The following SLC24A2 variants were observed in gnomAD, a reference collection of about 807,000 sequenced individuals.
SLC24A2 encodes the protein solute carrier family 24 member 2.
Under a neutral mutation model 62.0 loss-of-function variants are expected in SLC24A2, and 36 were observed. The observed-to-expected ratio is 0.58, with a 90% confidence interval of 0.44 to 0.77. The LOEUF (loss-of-function observed/expected upper bound fraction) is 0.77. Ranked by LOEUF, SLC24A2 falls within the 30% of genes least tolerant of loss-of-function variation. SLC24A2 has a pLI of 0.00. For missense variants in SLC24A2, 846 were observed against 817.9 expected, an observed-to-expected ratio of 1.03 and a Z score of -0.42; for synonymous variants, 358 against 294.0, an observed-to-expected ratio of 1.22 and a Z score of -2.23.
chr9:19,694,329 G>T (rs1306489091), intron 2 of SLC24A2, among the ~76,000 whole-genome samples: 1 of 152,088 alleles, frequency 6.6e-6, no homozygotes, highest in Non-Finnish European at 1.5e-5. Flanking sequence ...GGTTATTACA[G>T]ATTACATTTA....
intron 2 of SLC24A2, among the ~76,000 whole-genome samples, chr9:19,754,306 T>C (rs1822070151): frequency 6.6e-6 from 1 of 152,150 alleles, no homozygotes; most frequent in Non-Finnish European, 1.5e-5. Flanking sequence ...TCTATCCTCC[T>C]TCCCCAAGGC....
chr9:19,704,624 C>G (rs1820455991), intron 2 of SLC24A2, among the ~76,000 whole-genome samples: 1 of 151,918 alleles, frequency 6.6e-6, no homozygotes, highest in Admixed American at 6.6e-5. Flanking sequence ...AAACAGGAAC[C>G]AAGAGGCTGA....
chr9:19,840,975 A>T, the SLC24A2 span, among the ~76,000 whole-genome samples: 1 of 152,188 alleles, frequency 6.6e-6, no homozygotes. Context: ...ATAAGGGAAT[A>T]TATATCAATC....
the SLC24A2 span, among the ~76,000 whole-genome samples, chr9:20,221,603 T>A: frequency 6.6e-6 from 1 of 151,888 alleles, no homozygotes; most frequent in Non-Finnish European, 1.5e-5. Context: ...ATGTAAGTTC[T>A]CAGATCGGAA....
At position 19,786,089 on chromosome 9, in the gene SLC24A2, C is replaced by T. The variant is rs1433609943; in HGVS notation, c.778G>A (p.Val260Ile). 6.2e-7 allele frequency: 1 copy of T among 1,614,150 alleles called. No homozygotes were observed. The highest frequency in any genetic ancestry group is 1.7e-5 in the Admixed American group (1 of 60,024). ...AGCAAGCTTTCCCACCACATGATGACATTATCCAGGAAAAATATGATCAGC... is the reference window on the plus strand; with the variant it reads ...AGCAAGCTTTCCCACCACATGATGATATTATCCAGGAAAAATATGATCAGC... ...IMLIIFFLDN[V>I]IMWWESLLLL... The change falls in exon 2 of 11, where the codon GTC becomes ATC. Residue 260 changes from valine (V) to isoleucine (I), a missense_variant. Physicochemically the swap from Val to Ile is conservative, Grantham distance 29. Coordinates refer to ENST00000341998, the MANE Select transcript of SLC24A2 (RefSeq NM_020344.4). This position sits in a 1 kb window ranked among gnomAD's most constrained non-coding sequence, Gnocchi z 5.0.
At chr9:20,003,144 T>C in the SLC24A2 span, among the ~76,000 whole-genome samples, 1 of 152,212 alleles carries the variant, frequency 6.6e-6, no homozygotes, top group African/African-American at 2.4e-5. Context: ...TATGAGAGGA[T>C]TCCCCCAAAA....
At chr9:19,555,897 A>C (rs928678714) in intron 7 of SLC24A2, among the ~76,000 whole-genome samples, 1 of 152,180 alleles carries the variant, frequency 6.6e-6, no homozygotes, top group Non-Finnish European at 1.5e-5. Context: ...GTGAACTGAG[A>C]TCTTGCCACT....
intron 2 of SLC24A2, among the ~76,000 whole-genome samples, chr9:19,715,106 C>T (rs1820821781): frequency 6.6e-6 from 1 of 152,138 alleles, no homozygotes; most frequent in African/African-American, 2.4e-5. Flanking sequence ...AGGAAATTAA[C>T]ACTTCTAAAC....
the SLC24A2 span, among the ~76,000 whole-genome samples, chr9:20,260,285 T>C: frequency 6.6e-6 from 1 of 152,210 alleles, no homozygotes; most frequent in African/African-American, 2.4e-5. Context: ...AATCTTGGAC[T>C]TCAAAGACTC....
At chr9:19,797,229 T>C in the SLC24A2 span, among the ~76,000 whole-genome samples, 2 of 152,228 alleles carry the variant, frequency 1.3e-5, no homozygotes, top group Non-Finnish European at 2.9e-5. Context: ...TTCATTACTT[T>C]ATGTTGAATG....
the SLC24A2 span, among the ~76,000 whole-genome samples, chr9:19,973,081 T>C: frequency 2.0e-5 from 3 of 152,170 alleles, no homozygotes; most frequent in Admixed American, 6.5e-5. Flanking sequence ...TGTGCGACTG[T>C]AGTCCCAGCT....
the SLC24A2 span, among the ~76,000 whole-genome samples, chr9:20,037,311 C>T: frequency 1.3e-5 from 2 of 152,180 alleles, no homozygotes. Flanking sequence ...AAAGTCTGTA[C>T]ATGTACAGAC....
At chr9:19,724,589 C>A (rs1275992069) in intron 2 of SLC24A2, among the ~76,000 whole-genome samples, 1 of 152,070 alleles carries the variant, frequency 6.6e-6, no homozygotes, top group Non-Finnish European at 1.5e-5. Context: ...TATTTTACTT[C>A]CTTTTCAGTA....
chr9:20,150,470 A>G, the SLC24A2 span, among the ~76,000 whole-genome samples: 4 of 151,946 alleles, frequency 2.6e-5, no homozygotes, highest in Non-Finnish European at 5.9e-5. Context: ...ATAGGTTATA[A>G]GACAGGTAGT....
intron 2 of SLC24A2, among the ~76,000 whole-genome samples, chr9:19,669,028 G>T (rs1029686714): frequency 2.0e-5 from 3 of 152,124 alleles, no homozygotes; most frequent in African/African-American, 2.4e-5. Flanking sequence ...CACTTGGCCT[G>T]GTAATTTGAA....
At chr9:20,069,581 C>G in the SLC24A2 span, among the ~76,000 whole-genome samples, 2 of 152,198 alleles carry the variant, frequency 1.3e-5, no homozygotes, top group African/African-American at 4.8e-5. Flanking sequence ...GATCACAATT[C>G]TCTTTCCCTC....
At chr9:19,910,908 T>C in the SLC24A2 span, among the ~76,000 whole-genome samples, 2 of 151,158 alleles carry the variant, frequency 1.3e-5, no homozygotes, top group African/African-American at 4.8e-5. Context: ...TTTTCTTTTC[T>C]TTTATTTTTT....
chr9:20,241,727 C>T, the SLC24A2 span, among the ~76,000 whole-genome samples: 5 of 152,026 alleles, frequency 3.3e-5, no homozygotes, highest in Admixed American at 3.3e-4. Flanking sequence ...GCGAGTAATC[C>T]CAGCCTAAGG....
At chr9:19,856,215 A>G in the SLC24A2 span, among the ~76,000 whole-genome samples, 2 of 152,142 alleles carry the variant, frequency 1.3e-5, no homozygotes, top group African/African-American at 4.8e-5. Context: ...GCTTCTTTGC[A>G]TTGGGTTAAA....
Sources: allele counts gnomAD v4.1 joint callset (sites outside exome capture counted in the v4.1 genomes callset), GRCh38; gene constraint gnomAD v4.1.1; non-coding constraint Gnocchi (gnomAD v3.1); transcripts MANE v1.5; gene names NCBI Gene and HGNC (gene_info 2026-07-23, HGNC 2026-07-21).